Variants in CCDC148 observed in about 807,000 individuals in gnomAD.
The protein encoded by CCDC148 is coiled-coil domain containing 148.
CCDC148 carries 89 observed loss-of-function variants against 85.7 expected under a neutral mutation model. The ratio of observed to expected loss-of-function variants is 1.04; its 90% CI spans 0.87 to 1.24. CCDC148 has a LOEUF of 1.24. CCDC148 is among the 50% of genes most tolerant of loss of function. CCDC148 has a pLI of 0.00. For synonymous variants in CCDC148, 230 were observed against 213.9 expected, an observed-to-expected ratio of 1.08 and a Z score of -0.66; for missense variants, 692 against 671.7, an observed-to-expected ratio of 1.03 and a Z score of -0.33.
intron 3 of CCDC148, 29 bp downstream of exon 3, chr2:158,345,186 G>A (rs549907198): frequency 8.4e-5 from 121 of 1,447,852 alleles, no homozygotes; most frequent in Middle Eastern, 5.3e-4. Flanking sequence ...TAATTCCTAC[G>A]TGTTCTTACT....
chr2:158,224,273 A>C (rs1218834702), intron 10 of CCDC148, among the ~76,000 whole-genome samples: 1 of 152,226 alleles, frequency 6.6e-6, no homozygotes. Context: ...ACAAACGAAT[A>C]AAAAATAAAT....
intron 9 of CCDC148, among the ~76,000 whole-genome samples, chr2:158,278,994 C>T (rs1386675945): frequency 1.3e-5 from 2 of 152,194 alleles, no homozygotes; most frequent in African/African-American, 2.4e-5. Flanking sequence ...TCTGCAGACA[C>T]CACTGCTGAT....
intron 9 of CCDC148, among the ~76,000 whole-genome samples, chr2:158,278,872 C>T (rs954059578): frequency 2.0e-5 from 3 of 152,238 alleles, no homozygotes; most frequent in Non-Finnish European, 4.4e-5. Context: ...AACTGGGAGG[C>T]ACTCCCCAGT....
chr2:158,342,026 CT>C (rs1159799812), intron 3 of CCDC148, among the ~76,000 whole-genome samples: 11,087 of 63,244 alleles, frequency 0.18, 276 homozygotes, highest in Non-Finnish European at 0.21. Context: ...ATTTTCTTTT[CT>C]TTTTTTTTTT....
intron 11 of CCDC148, among the ~76,000 whole-genome samples, chr2:158,199,929 A>G (rs965755596): frequency 1.3e-5 from 2 of 152,204 alleles, no homozygotes; most frequent in Non-Finnish European, 2.9e-5. Context: ...TTTTAATCAA[A>G]TGTTCAGGTG....
intron 8 of CCDC148, among the ~76,000 whole-genome samples, chr2:158,310,519 C>G (rs561291472): frequency 1.3e-5 from 2 of 151,710 alleles, no homozygotes; most frequent in Non-Finnish European, 2.9e-5. Flanking sequence ...GGGCCCCCCA[C>G]CCCCCAGACG....
chr2:158,212,792 A>G (rs990195552), intron 11 of CCDC148, among the ~76,000 whole-genome samples: 4 of 152,192 alleles, frequency 2.6e-5, no homozygotes, highest in Admixed American at 6.5e-5. Context: ...TTTTACTTGA[A>G]GTGGTTTTCT....
intron 1 of CCDC148, among the ~76,000 whole-genome samples, chr2:158,412,627 A>G (rs1686309823): frequency 6.6e-6 from 1 of 152,166 alleles, no homozygotes; most frequent in Non-Finnish European, 1.5e-5. Flanking sequence ...AGTTATAAAT[A>G]ATTGATGTCC....
chr2:158,220,702 G>A lies in CCDC148; in HGVS notation c.1263C>T (p.Tyr421=), dbSNP rs992846585. 8 of 1,576,352 alleles carry A rather than the reference G, an allele frequency of 5.1e-6. No individual in the cohort carries two copies. In the East Asian group the frequency reaches 6.9e-5, roughly 14 times the overall value. ...GCCACTTCTGTTTTTTCTTGGCCCA[G>A]TATTTTTTTATCTATTGTATAAATG... ...RAEKKKKIKK[Y]WAKKKQKWQE... is the part of the protein sequence containing the mutation. The change falls in exon 11 of 14, where the codon TAC becomes TAT. Residue 421 remains tyrosine (Y), a synonymous_variant. Coordinates refer to ENST00000283233, the MANE Select transcript of CCDC148 (RefSeq NM_138803.4).
At chr2:158,347,990 T>C (rs923379656) in intron 2 of CCDC148, among the ~76,000 whole-genome samples, 2 of 152,090 alleles carry the variant, frequency 1.3e-5, no homozygotes, top group African/African-American at 4.8e-5. Flanking sequence ...ACTGTGAGGC[T>C]ACAGAAAGCA....
intron 1 of CCDC148, among the ~76,000 whole-genome samples, chr2:158,372,638 T>C (rs1344041140): frequency 2.6e-5 from 4 of 152,054 alleles, no homozygotes; most frequent in Non-Finnish European, 5.9e-5. Flanking sequence ...CAGGGTATTA[T>C]ATAATTCACT....
intron 2 of CCDC148, among the ~76,000 whole-genome samples, chr2:158,350,680 A>G (rs768411397): frequency 6.6e-6 from 1 of 152,120 alleles, no homozygotes; most frequent in Non-Finnish European, 1.5e-5. Context: ...GGGTGGGATA[A>G]TGCATGCATC....
chr2:158,367,730 T>G (rs1684264309), intron 1 of CCDC148, among the ~76,000 whole-genome samples: 2 of 152,166 alleles, frequency 1.3e-5, no homozygotes, highest in Non-Finnish European at 2.9e-5. Flanking sequence ...TCCAACTATT[T>G]AGAAGACCAA....
At chr2:158,326,834 A>G (rs1335207667) in intron 7 of CCDC148, among the ~76,000 whole-genome samples, 1 of 152,082 alleles carries the variant, frequency 6.6e-6, no homozygotes, top group African/African-American at 2.4e-5. Flanking sequence ...AATGTTATCA[A>G]TTTTTGTGTA....
intron 11 of CCDC148, among the ~76,000 whole-genome samples, 170 bp from the exon 12 acceptor site, chr2:158,179,166 ATTTTTTT>A (rs10699879): frequency 1.2e-5 from 1 of 82,824 alleles, no homozygotes; most frequent in Non-Finnish European, 2.2e-5. Flanking sequence ...ATAAAATGCA[ATTTTTTT>A]TTTTTTTTTT....
At chr2:158,446,413 C>G (rs1216977951) in intron 1 of CCDC148, among the ~76,000 whole-genome samples, 1 of 151,074 alleles carries the variant, frequency 6.6e-6, no homozygotes, top group African/African-American at 2.4e-5. Flanking sequence ...GTCTTTTTCT[C>G]TAGTAAATTT....
chr2:158,400,677 GC>G (rs1685740031), intron 1 of CCDC148, among the ~76,000 whole-genome samples: 1 of 152,096 alleles, frequency 6.6e-6, no homozygotes, highest in African/African-American at 2.4e-5. Context: ...AACACCAAAA[GC>G]AATGGCAACA....
At chr2:158,233,410 T>G (rs1687949356) in intron 10 of CCDC148, among the ~76,000 whole-genome samples, 1 of 151,818 alleles carries the variant, frequency 6.6e-6, no homozygotes, top group Non-Finnish European at 1.5e-5. Flanking sequence ...ATTATCTATA[T>G]TTTGCCACAT....
At chr2:158,179,972 C>G (rs1574346150) in intron 11 of CCDC148, among the ~76,000 whole-genome samples, 1 of 152,304 alleles carries the variant, frequency 6.6e-6, no homozygotes, top group East Asian at 1.9e-4. Flanking sequence ...CCCTCCTCTG[C>G]TGCCTTTTTT....
Sources: gnomAD v4.1 joint callset for allele counts (sites outside exome capture counted in the v4.1 genomes callset) on GRCh38, gnomAD v4.1.1 for gene constraint, MANE v1.5 for transcripts, NCBI Gene and HGNC (gene_info 2026-07-23, HGNC 2026-07-21) for gene names.